Variants in SOX5 observed in about 807,000 individuals in gnomAD.
SOX5 encodes the protein SRY-box transcription factor 5.
SOX5 carries 9 observed loss-of-function variants against 92.0 expected under a neutral mutation model. That is an observed-to-expected ratio of 0.10 (90% CI 0.06 to 0.17). SOX5 has a LOEUF of 0.17. Ranked by LOEUF, SOX5 falls within the 10% of genes least tolerant of loss-of-function variation. The probability of loss-of-function intolerance (pLI) is 1.00; values close to 1 mark genes in which losing one functional copy is unlikely to be tolerated. For synonymous variants in SOX5, 344 were observed against 336.3 expected (o/e 1.02, Z -0.25); for missense variants, 642 against 944.5 (o/e 0.68, Z 4.20).
intron 4 of SOX5, among the ~76,000 whole-genome samples, chr12:24,127,224 C>G (rs1949190815): frequency 6.6e-6 from 1 of 151,444 alleles, no homozygotes; most frequent in East Asian, 2.0e-4. Flanking sequence ...AACCCTGTCT[C>G]TACAAAAAAT....
intron 3 of SOX5, among the ~76,000 whole-genome samples, chr12:23,831,965 C>CACACACACACAA (rs1225202576): frequency 2.0e-5 from 3 of 151,340 alleles, no homozygotes; most frequent in Non-Finnish European, 2.9e-5. Flanking sequence ...ACTACACACA[C>CACACACACACAA]ACACACACAC....
chr12:23,761,668 A>C (rs892506675), intron 3 of SOX5, among the ~76,000 whole-genome samples: 2 of 152,112 alleles, frequency 1.3e-5, no homozygotes, highest in Non-Finnish European at 2.9e-5. Context: ...TACTACCACA[A>C]AGTTTTTTAA....
intron 2 of SOX5, among the ~76,000 whole-genome samples, chr12:24,287,969 G>T (rs982246600): frequency 6.6e-6 from 1 of 152,122 alleles, no homozygotes; most frequent in African/African-American, 2.4e-5. Context: ...GGAAATTTTG[G>T]AATCCCTCAA....
intron 4 of SOX5, among the ~76,000 whole-genome samples, chr12:24,154,289 TGGTGGTCAAA>T (rs1951944713): frequency 6.6e-6 from 1 of 152,110 alleles, no homozygotes; most frequent in African/African-American, 2.4e-5. Flanking sequence ...TGACTTTAGT[TGGTGGTCAAA>T]GGTATAAGGC....
At chr12:23,990,547 G>A (rs1950472610) in intron 4 of SOX5, among the ~76,000 whole-genome samples, 1 of 152,060 alleles carries the variant, frequency 6.6e-6, no homozygotes. Flanking sequence ...CATTCTCTGT[G>A]AAACCTTCTC....
At chr12:24,419,128 A>G (rs1566116766) in intron 1 of SOX5, among the ~76,000 whole-genome samples, 1 of 148,646 alleles carries the variant, frequency 6.7e-6, no homozygotes, top group Admixed American at 6.7e-5. Context: ...GAGAAGAAAG[A>G]TTTTTTTTTT....
intron 3 of SOX5, among the ~76,000 whole-genome samples, chr12:23,818,679 C>T (rs1398280256): frequency 4.6e-5 from 7 of 152,248 alleles, no homozygotes; most frequent in African/African-American, 1.7e-4. Context: ...ATTAAATTAA[C>T]TTTTTGACTG....
At chr12:24,108,814 A>T (rs1199526388) in intron 4 of SOX5, among the ~76,000 whole-genome samples, 1 of 152,192 alleles carries the variant, frequency 6.6e-6, no homozygotes, top group Non-Finnish European at 1.5e-5. Context: ...CTCAGAACAG[A>T]ACCAGTTCCA....
chr12:24,334,453 G>A (rs1245816339), intron 2 of SOX5, among the ~76,000 whole-genome samples: 1 of 152,026 alleles, frequency 6.6e-6, no homozygotes, highest in Non-Finnish European at 1.5e-5. Flanking sequence ...AAAAAATTTA[G>A]CTTCACTAAA....
At chr12:23,927,168 C>T (rs1940182797) in intron 1 of SOX5, among the ~76,000 whole-genome samples, 1 of 152,158 alleles carries the variant, frequency 6.6e-6, no homozygotes, top group Non-Finnish European at 1.5e-5. Context: ...CAAACTTCTT[C>T]ACTGCCTTTA....
At chr12:23,641,521 CG>C (rs2080059579) in intron 7 of SOX5, among the ~76,000 whole-genome samples, 2 of 151,990 alleles carry the variant, frequency 1.3e-5, no homozygotes, top group African/African-American at 4.8e-5. Context: ...CCCTTCCCCC[CG>C]ACATTTTTTA....
chr12:24,152,294 T>C (rs1418929277), intron 4 of SOX5, among the ~76,000 whole-genome samples: 2 of 152,186 alleles, frequency 1.3e-5, no homozygotes, highest in African/African-American at 4.8e-5. Context: ...AAAGAGGTAT[T>C]TTGTCTGTGT....
chr12:24,159,341 T>C (rs562214732), intron 4 of SOX5, among the ~76,000 whole-genome samples: 3 of 152,072 alleles, frequency 2.0e-5, no homozygotes, highest in African/African-American at 7.2e-5. Flanking sequence ...CCCATAAATA[T>C]TACAAATTCA....
intron 4 of SOX5, among the ~76,000 whole-genome samples, chr12:24,111,705 A>G (rs895793994): frequency 3.2e-4 from 48 of 152,180 alleles, no homozygotes; most frequent in African/African-American, 1.1e-3. Flanking sequence ...AAATTATCAA[A>G]GCTGAAAAAA....
chr12:23,659,557 G>A (rs375728718), intron 7 of SOX5, among the ~76,000 whole-genome samples: 31 of 152,262 alleles, frequency 2.0e-4, no homozygotes, highest in African/African-American at 7.0e-4. Flanking sequence ...GCAGAATGAG[G>A]ATGTGAATAT....
At chr12:23,651,439 C>CA (rs2081549406) in intron 7 of SOX5, among the ~76,000 whole-genome samples, 1 of 151,998 alleles carries the variant, frequency 6.6e-6, no homozygotes, top group Non-Finnish European at 1.5e-5. Flanking sequence ...ATGTATACTT[C>CA]AATTTTCATA....
chr12:24,193,419 G>C (rs1187953634), intron 4 of SOX5, among the ~76,000 whole-genome samples: 1 of 152,176 alleles, frequency 6.6e-6, no homozygotes, highest in Non-Finnish European at 1.5e-5. Context: ...AGACTAAAGG[G>C]CCACCTACAG....
intron 4 of SOX5, among the ~76,000 whole-genome samples, chr12:24,022,634 C>T (rs1050728337): frequency 2.0e-5 from 3 of 152,046 alleles, no homozygotes; most frequent in African/African-American, 7.2e-5. Flanking sequence ...ACTAGAGTGG[C>T]ACCTTGCTCC....
chr12:24,298,472 C>T lies in SOX5; in HGVS notation c.-173-21160G>A, dbSNP rs144424279. Among the ~76,000 whole-genome samples, 913 of 152,156 alleles carry T rather than the reference C, an allele frequency of 6.0e-3. 8 individuals carry two copies. Among genetic ancestry groups the T allele is most frequent in the African/African-American group, 0.021 (865 of 41,510 alleles). ...AAGTGTATTAAAACGGGTATGTATT[C>T]CTAATATTTTTAAAAGTTGTTTCAC... On this transcript the variant is annotated intron_variant, in intron 2 of 4. Coordinates refer to the SOX5 transcript ENST00000446891.
Sources: allele counts gnomAD v4.1 joint callset (sites outside exome capture counted in the v4.1 genomes callset), GRCh38; gene constraint gnomAD v4.1.1; transcripts MANE v1.5; gene names NCBI Gene and HGNC (gene_info 2026-07-23, HGNC 2026-07-21).